The following MAX variants were observed in gnomAD, a reference collection of about 807,000 sequenced individuals.
The protein encoded by MAX is MYC associated transcriptional regulator X, also known as protein max.
In MAX, 3 loss-of-function variants were observed where a neutral mutation model predicts 22.3. The ratio of observed to expected loss-of-function variants is 0.13; its 90% confidence interval spans 0.06 to 0.35. The LOEUF (loss-of-function observed/expected upper bound fraction) is 0.35. MAX is among the 10% of genes least tolerant of loss of function. The pLI, the probability that MAX is intolerant of heterozygous loss-of-function variation, is 1.00. For synonymous variants in MAX, 72 were observed against 77.7 expected, an observed-to-expected ratio of 0.93 and a Z score of 0.39; for missense variants, 119 against 209.4, an observed-to-expected ratio of 0.57 and a Z score of 2.66.
intron 3 of MAX, among the ~76,000 whole-genome samples, chr14:65,048,961 C>T (rs896848085): frequency 3.9e-5 from 6 of 152,078 alleles, no homozygotes; most frequent in African/African-American, 1.2e-4. Context: ...CCCATCTCTA[C>T]TAAAGATACA....
At chr14:65,064,959 G>A (rs1443941073) in intron 3 of MAX, among the ~76,000 whole-genome samples, 2 of 152,252 alleles carry the variant, frequency 1.3e-5, no homozygotes, top group African/African-American at 4.8e-5. Flanking sequence ...CCCAGGCCCT[G>A]ACTGGCTAAG....
At position 65,069,175 on chromosome 14, in the gene MAX, A is replaced by G. The variant is rs534346130; in HGVS notation, c.171+24533T>C. Among the ~76,000 whole-genome samples, 78 of 152,290 alleles carry G rather than the reference A, an allele frequency of 5.1e-4. No homozygotes were observed. Among genetic ancestry groups the G allele is most frequent in the African/African-American group, 1.9e-3 (77 of 41,572 alleles). ...GCCTGGATACCAAGGGACCAGTGAA[A>G]GTGGTGGAATAGAATCGTGACCCAA... is the stretch of plus-strand genomic sequence containing the variant. On this transcript the variant is annotated intron_variant, in intron 3 of 3. Transcript: ENST00000341653. This position sits in a 1 kb window ranked among gnomAD's most constrained non-coding sequence, Gnocchi z 4.6.
intron 3 of MAX, among the ~76,000 whole-genome samples, chr14:65,057,399 A>C (rs2062760402): frequency 6.6e-6 from 1 of 152,028 alleles, no homozygotes; most frequent in Non-Finnish European, 1.5e-5. Flanking sequence ...AGTCTGGGAG[A>C]TAGAGTGAGA....
chr14:65,019,875 A>G (rs1225863537), intron 3 of MAX, among the ~76,000 whole-genome samples: 2 of 152,204 alleles, frequency 1.3e-5, no homozygotes, highest in Admixed American at 6.5e-5. Context: ...TTCTATATAA[A>G]TAGAAGATTT....
At chr14:65,085,390 A>G (rs553055960) in intron 3 of MAX, among the ~76,000 whole-genome samples, 1 of 152,260 alleles carries the variant, frequency 6.6e-6, no homozygotes, top group African/African-American at 2.4e-5. Flanking sequence ...AGTTTTTGCA[A>G]TTTTGTTGGA....
intron 3 of MAX, among the ~76,000 whole-genome samples, chr14:65,080,835 A>G (rs1406673652): frequency 6.6e-6 from 1 of 152,262 alleles, no homozygotes; most frequent in Non-Finnish European, 1.5e-5. Flanking sequence ...ATGTTCAGTG[A>G]TAACTTTTAA....
intron 3 of MAX, among the ~76,000 whole-genome samples, chr14:65,055,074 T>C (rs1344368991): frequency 6.6e-6 from 1 of 152,222 alleles, no homozygotes; most frequent in Non-Finnish European, 1.5e-5. Flanking sequence ...CTGCCGCGTC[T>C]CTCCCAGAGG....
chr14:65,039,079 G>A (rs1273882552), intron 3 of MAX, among the ~76,000 whole-genome samples: 1 of 152,090 alleles, frequency 6.6e-6, no homozygotes, highest in Non-Finnish European at 1.5e-5. Context: ...CAAATGTCTG[G>A]TACTCTACAG....
chr14:65,032,538 GC>G lies in MAX; in HGVS notation c.172-26255del, dbSNP rs2062106325. 6.4e-6 allele frequency: 10 copies of G among 1,558,798 alleles called. No homozygotes were observed. Among genetic ancestry groups the G allele is most frequent in the Non-Finnish European group, 1.7e-6 (2 of 1,149,358 alleles). ...GCTTACTAGGCAAGGCGAGCAGTCCGCCCGCGGAGTTCACTGAGCCTCATTA... is the reference window on the plus strand; with the variant it reads ...GCTTACTAGGCAAGGCGAGCAGTCCGCCGCGGAGTTCACTGAGCCTCATTA... On this transcript the variant is annotated intron_variant, in intron 3 of 3. Coordinates refer to the MAX transcript ENST00000341653. This position sits in a 1 kb window ranked among gnomAD's most constrained non-coding sequence, Gnocchi z 5.0.
At chr14:65,034,921 G>A (rs2062155745) in intron 3 of MAX, among the ~76,000 whole-genome samples, 1 of 152,170 alleles carries the variant, frequency 6.6e-6, no homozygotes, top group South Asian at 2.1e-4. Context: ...TGCCCCAAAA[G>A]GGGTTGATGT....
Position 65,032,666 on chromosome 14 carries a change from T to G in MAX, c.172-26382A>C. On this transcript the variant is annotated intron_variant, in intron 3 of 3. Transcript: ENST00000341653. The surrounding 1 kb of genome is among the most constrained non-coding windows in gnomAD (Gnocchi z 5.0). ...CTGACCAACATCATCACTCCAGACC[T>G]CTTTGAGGGCACTGCTGAATGGATA... The G allele has an allele frequency of 6.2e-7, 1 of 1,613,712 alleles. No individual in the cohort carries two copies. The highest frequency in any genetic ancestry group is 8.5e-7 in the Non-Finnish European group (1 of 1,179,918).
In MAX at chr14:65,012,376, C is replaced by G; in HGVS notation, c.172-6092G>C. 1 of 1,614,138 alleles carries G rather than the reference C, an allele frequency of 6.2e-7. No homozygotes were observed. Among genetic ancestry groups the G allele is most frequent in the Non-Finnish European group, 8.5e-7 (1 of 1,179,976 alleles). The stretch of plus-strand genomic sequence containing the variant: ...CTGAAAAGAGGCCTTCGACAACTGA[C>G]AGATGCCTATGAGGTAAACACATTA... On this transcript the variant is annotated intron_variant, in intron 3 of 3. Transcript: ENST00000341653. This position sits in a 1 kb window ranked among gnomAD's most constrained non-coding sequence, Gnocchi z 5.0.
chr14:65,062,589 T>G lies in MAX; in HGVS notation c.171+31119A>C, dbSNP rs532899140. 1 of 152,792 alleles carries G rather than the reference T, an allele frequency of 6.5e-6. No individual in the cohort carries two copies. The highest frequency in any genetic ancestry group is 1.5e-5 in the Non-Finnish European group (1 of 68,040). The allele number at this position is 152,792 out of a possible 1,614,324, so 9.5% of individuals were successfully genotyped here. On this transcript the variant is annotated intron_variant, in intron 3 of 3. Transcript: ENST00000341653. This position sits in a 1 kb window ranked among gnomAD's most constrained non-coding sequence, Gnocchi z 4.3. The stretch of plus-strand genomic sequence containing the variant: ...TGGCCATTTGCTGCCTCTAATTCCC[T>G]TTTGCTTTGCCATATTGGGCTATGT...
intron 3 of MAX, among the ~76,000 whole-genome samples, chr14:65,035,116 G>A (rs553488592): frequency 1.3e-5 from 2 of 152,260 alleles, no homozygotes; most frequent in South Asian, 2.1e-4. Flanking sequence ...TTCTGGATTC[G>A]TCCTCAGTTT....
chr14:65,008,376 C>T (rs1294455739), intron 3 of MAX, among the ~76,000 whole-genome samples: 1 of 152,192 alleles, frequency 6.6e-6, no homozygotes, highest in Non-Finnish European at 1.5e-5. Flanking sequence ...AGAGAGTCTC[C>T]AAAGGACAGG....
chr14:65,077,716 ACT>A lies in MAX; in HGVS notation c.295+195_295+196del. ...CCAGATGTCCAACTTCCTAGCTTCC[ACT>A]GTCTCCTCACTGGCGCCTCAGGTCC... On this transcript the variant is annotated intron_variant, in intron 4 of 4. Transcript: ENST00000358664. The surrounding 1 kb of genome is among the most constrained non-coding windows in gnomAD (Gnocchi z 6.3). 1 of 1,585,198 alleles carries A rather than the reference ACT, an allele frequency of 6.3e-7. No homozygotes were observed. Among genetic ancestry groups the A allele is most frequent in the Non-Finnish European group, 8.6e-7 (1 of 1,167,402 alleles).
At chr14:65,099,886 A>T (rs149758549) in intron 2 of MAX, among the ~76,000 whole-genome samples, 3 of 152,354 alleles carry the variant, frequency 2.0e-5, no homozygotes, top group African/African-American at 7.2e-5. Context: ...GAACAACTAC[A>T]TCCCCGGATT....
downstream of MAX, among the ~76,000 whole-genome samples, chr14:65,074,653 G>C (rs984005294): frequency 2.0e-5 from 3 of 152,230 alleles, no homozygotes; most frequent in African/African-American, 7.2e-5. Context: ...AGTCTGAGTA[G>C]AGCTAACTCG....
intron 3 of MAX, among the ~76,000 whole-genome samples, chr14:65,053,547 G>A (rs1437549061): frequency 2.0e-5 from 3 of 151,376 alleles, no homozygotes; most frequent in Admixed American, 6.6e-5. Flanking sequence ...CCAGCTGCCC[G>A]TCTTGTCCCC....
Sources: allele counts gnomAD v4.1 joint callset (sites outside exome capture counted in the v4.1 genomes callset), GRCh38; gene constraint gnomAD v4.1.1; non-coding constraint Gnocchi (gnomAD v3.1); transcripts MANE v1.5; gene names NCBI Gene and HGNC (gene_info 2026-07-23, HGNC 2026-07-21).